The following WDR27 variants were observed in gnomAD, a reference collection of about 807,000 sequenced individuals.
WDR27 encodes WD repeat domain 27.
A neutral mutation model predicts 114.4 loss-of-function variants in WDR27; 100 were observed. The ratio of observed to expected loss-of-function variants is 0.87; its 90% CI spans 0.74 to 1.03. The LOEUF (loss-of-function observed/expected upper bound fraction) is 1.03, where lower values mean the gene tolerates loss of function less well. Among genes scored for constraint, WDR27 ranks in the 50% least tolerant of loss-of-function variants. The pLI is 0.00. For synonymous variants in WDR27, 449 were observed against 423.1 expected, an observed-to-expected ratio of 1.06 and a Z score of -0.75; for missense variants, 1,129 against 1,092.9, an observed-to-expected ratio of 1.03 and a Z score of -0.47.
chr6:169,613,669 G>C lies in WDR27; in HGVS notation c.2224-13C>G, dbSNP rs1307275180. ...TAAATGATGAACCCTATAATTTTAAGGGGGAAATCAAGATGTACTTTCAAA... is the reference window on the plus strand; with the variant it reads ...TAAATGATGAACCCTATAATTTTAACGGGGAAATCAAGATGTACTTTCAAA... On this transcript the variant is annotated splice_polypyrimidine_tract_variant and intron_variant, in intron 21 of 25. Coordinates refer to ENST00000448612, the MANE Select transcript of WDR27 (RefSeq NM_182552.5). 9.4e-6 allele frequency: 15 copies of C among 1,603,374 alleles called. No homozygotes were observed. The highest frequency in any genetic ancestry group is 1.3e-5 in the Non-Finnish European group (15 of 1,171,062).
rs903703224 is a variant in WDR27, at chr6:169,684,791, A to G, written c.189+4026T>C. Among the ~76,000 whole-genome samples the G allele has an allele frequency of 6.6e-6, 1 of 152,194 alleles. No individual in the cohort carries two copies. On this transcript the variant is annotated intron_variant, in intron 2 of 25. Coordinates refer to ENST00000448612, the MANE Select transcript of WDR27 (RefSeq NM_182552.5). This position sits in a 1 kb window ranked among gnomAD's most constrained non-coding sequence, Gnocchi z 4.3. ...CAGCCAGCTGAGCAGCCTTGTGCCT[A>G]CGTCCAATGCTGGAGAAACAGCCCC...
Position 169,490,455 on chromosome 6 carries a change from G to A in WDR27, c.2646-32821C>T, listed in dbSNP as rs562475055. Among the ~76,000 whole-genome samples the A allele has an allele frequency of 3.3e-5, 5 of 152,328 alleles. No homozygotes were observed. The East Asian group carries it at 5.8e-4, about 18-fold the overall frequency. ...AGGTGTGTGCGCAGAAGGAGTGCACGTGCTGCTTCTGTGGACTTTCCACTG... is the reference window on the plus strand; with the variant it reads ...AGGTGTGTGCGCAGAAGGAGTGCACATGCTGCTTCTGTGGACTTTCCACTG... On this transcript the variant is annotated intron_variant, in intron 25 of 25. Transcript: ENST00000448612.
intron 25 of WDR27, among the ~76,000 whole-genome samples, chr6:169,555,408 T>C (rs1411995771): frequency 1.3e-5 from 2 of 151,950 alleles, no homozygotes; most frequent in Non-Finnish European, 2.9e-5. Context: ...CAGAGAAGGA[T>C]GGAAGGGAGA....
At chr6:169,524,452 C>A (rs1237293374) in intron 25 of WDR27, among the ~76,000 whole-genome samples, 2 of 152,062 alleles carry the variant, frequency 1.3e-5, no homozygotes, top group Admixed American at 6.6e-5. Flanking sequence ...TATAGACCCA[C>A]AAAAGACTCC....
chr6:169,510,250 A>G (rs918208140), intron 25 of WDR27, among the ~76,000 whole-genome samples: 1 of 152,214 alleles, frequency 6.6e-6, no homozygotes, highest in Non-Finnish European at 1.5e-5. Context: ...AGAACTAGAA[A>G]TACCATTTGA....
At chr6:169,682,243 A>T (rs1393315155) in intron 2 of WDR27, among the ~76,000 whole-genome samples, 1 of 152,216 alleles carries the variant, frequency 6.6e-6, no homozygotes, top group Non-Finnish European at 1.5e-5. Context: ...GAAGGGACCC[A>T]GTCTCAGTTC....
intron 1 of WDR27, among the ~76,000 whole-genome samples, chr6:169,689,680 C>T (rs1783949401): frequency 6.6e-6 from 1 of 152,236 alleles, no homozygotes; most frequent in African/African-American, 2.4e-5. Flanking sequence ...AGCATAATCA[C>T]TTCAGAAACA....
At chr6:169,678,940 A>G (rs1345862974) in intron 2 of WDR27, among the ~76,000 whole-genome samples, 1 of 152,106 alleles carries the variant, frequency 6.6e-6, no homozygotes, top group Non-Finnish European at 1.5e-5. Context: ...AAAAGAAACA[A>G]TTTACAACCT....
At chr6:169,533,228 T>G in intron 25 of WDR27, among the ~76,000 whole-genome samples, 1 of 145,088 alleles carries the variant, frequency 6.9e-6, no homozygotes, top group South Asian at 2.1e-4. Flanking sequence ...GGCATGGCCA[T>G]GTGAGACAGC....
intron 25 of WDR27, among the ~76,000 whole-genome samples, chr6:169,501,513 A>C (rs1159098127): frequency 6.6e-6 from 1 of 152,250 alleles, no homozygotes; most frequent in Non-Finnish European, 1.5e-5. Context: ...AGCCAGAAAC[A>C]AAAGATATTT....
chr6:169,461,008 T>C (rs1301901659), intron 25 of WDR27, among the ~76,000 whole-genome samples: 2 of 149,434 alleles, frequency 1.3e-5, no homozygotes, highest in Admixed American at 6.7e-5. Context: ...AAGCTTTAAG[T>C]CAAAAAGGCT....
At chr6:169,551,341 G>A (rs890161991) in intron 25 of WDR27, among the ~76,000 whole-genome samples, 1 of 152,032 alleles carries the variant, frequency 6.6e-6, no homozygotes, top group Admixed American at 6.6e-5. Context: ...CCCTTATCTG[G>A]GTTACGTTTT....
rs748366756 is a variant in WDR27 at position 169,688,803 on chromosome 6, A to T, written c.189+14T>A. 6 of 1,584,108 alleles carry T rather than the reference A, an allele frequency of 3.8e-6. No homozygotes were observed. Among genetic ancestry groups the T allele is most frequent in the African/African-American group, 1.4e-5 (1 of 74,028 alleles). On this transcript the variant is annotated intron_variant, in intron 2 of 25. Transcript: ENST00000448612. ...AAGGCCTTCATGACACTGGACATGT[A>T]ACTCGTTCAATACCTGATGAGAAGG...
chr6:169,605,359 A>G (rs902791187), intron 22 of WDR27, among the ~76,000 whole-genome samples: 1 of 151,884 alleles, frequency 6.6e-6, no homozygotes, highest in East Asian at 1.9e-4. Context: ...TCCTATTTAC[A>G]ATAGCTATAA....
At chr6:169,608,473 G>A (rs1189155489) in intron 22 of WDR27, among the ~76,000 whole-genome samples, 1 of 152,184 alleles carries the variant, frequency 6.6e-6, no homozygotes, top group Non-Finnish European at 1.5e-5. Flanking sequence ...GGAAGGCAAG[G>A]AGGGGCAAGT....
intron 25 of WDR27, among the ~76,000 whole-genome samples, chr6:169,570,282 G>A (rs1801169792): frequency 6.6e-6 from 1 of 152,156 alleles, no homozygotes; most frequent in East Asian, 1.9e-4. Context: ...ACAAACACAA[G>A]GACTAAAACA....
intron 13 of WDR27, among the ~76,000 whole-genome samples, chr6:169,654,149 A>G (rs1413506998): frequency 6.6e-6 from 1 of 152,276 alleles, no homozygotes; most frequent in Non-Finnish European, 1.5e-5. Flanking sequence ...TCAATAAAAT[A>G]TTAGCAAACC....
At chr6:169,679,458 T>C (rs1207333611) in intron 2 of WDR27, among the ~76,000 whole-genome samples, 1 of 152,230 alleles carries the variant, frequency 6.6e-6, no homozygotes, top group Admixed American at 6.5e-5. Context: ...CCCCTGCAAA[T>C]CTCATGTGGA....
At chr6:169,641,327 G>A (rs1162402837) in intron 17 of WDR27, among the ~76,000 whole-genome samples, 1 of 148,744 alleles carries the variant, frequency 6.7e-6, no homozygotes, top group East Asian at 1.9e-4. Flanking sequence ...GGGCCCTCGG[G>A]AGCCAATCCC....
Sources: gnomAD v4.1 joint callset for allele counts (sites outside exome capture counted in the v4.1 genomes callset) on GRCh38, gnomAD v4.1.1 for gene constraint, Gnocchi (gnomAD v3.1) non-coding constraint, MANE v1.5 for transcripts, NCBI Gene and HGNC (gene_info 2026-07-23, HGNC 2026-07-21) for gene names.